Variants in SEZ6L observed in about 807,000 individuals in gnomAD.
SEZ6L encodes the protein seizure 6-like protein.
In SEZ6L, 37 loss-of-function variants were observed where a neutral mutation model predicts 106.2. The observed-to-expected ratio is 0.35, with a 90% confidence interval of 0.27 to 0.46. The LOEUF (loss-of-function observed/expected upper bound fraction) is 0.46, where lower values mean the gene tolerates loss of function less well. Ranked by LOEUF, SEZ6L falls within the 20% of genes least tolerant of loss-of-function variation. The probability of loss-of-function intolerance (pLI) is 1.00; values close to 1 mark genes in which losing one functional copy is unlikely to be tolerated. For missense variants in SEZ6L, 1,172 were observed against 1,332.8 expected (o/e 0.88, Z 1.88); for synonymous variants, 541 against 570.4 (o/e 0.95, Z 0.73).
At chr22:26,272,080 G>T (rs1186263909) in intron 1 of SEZ6L, among the ~76,000 whole-genome samples, 1 of 152,228 alleles carries the variant, frequency 6.6e-6, no homozygotes, top group Admixed American at 6.5e-5. Flanking sequence ...GGATACAAAA[G>T]AGAACACGTT....
At position 26,377,739 on chromosome 22, in the gene SEZ6L, G is replaced by A. The variant is rs2084276869; in HGVS notation, c.3009G>A (p.Val1003=). Reference sequence around the variant, plus strand: ...CCCACCCCTACAGCCAGATCACCGTGGAAACCGAGTTTGACAACCCCATTT... The same window carrying A: ...CCCACCCCTACAGCCAGATCACCGTAGAAACCGAGTTTGACAACCCCATTT... The part of the protein sequence containing the change: ...MYSHPYSQIT[V]ETEFDNPIYE... The change falls in exon 16 of 17, where the codon GTG becomes GTA. Residue 1003 remains valine (V), a synonymous_variant. Transcript: ENST00000248933. The A allele has an allele frequency of 6.2e-7, 1 of 1,613,938 alleles. No individual in the cohort carries two copies. Among genetic ancestry groups the A allele is most frequent in the Admixed American group, 1.7e-5 (1 of 59,998 alleles).
chr22:26,345,578 C>T (rs1272096356), intron 10 of SEZ6L, among the ~76,000 whole-genome samples: 1 of 152,172 alleles, frequency 6.6e-6, no homozygotes, highest in Non-Finnish European at 1.5e-5. Context: ...ATAGAGGCTC[C>T]TGTCCCCCCA....
chr22:26,279,297 C>T (rs1250356009), intron 1 of SEZ6L, among the ~76,000 whole-genome samples: 1 of 152,112 alleles, frequency 6.6e-6, no homozygotes, highest in East Asian at 1.9e-4. Context: ...GGGTGAACTG[C>T]CTGTGGGAGA....
intron 1 of SEZ6L, among the ~76,000 whole-genome samples, chr22:26,263,234 A>G (rs533348319): frequency 1.3e-5 from 2 of 152,254 alleles, no homozygotes; most frequent in African/African-American, 4.8e-5. Context: ...ATCCAACACC[A>G]CTGCCTACTG....
chr22:26,272,070 G>A (rs957390579), intron 1 of SEZ6L, among the ~76,000 whole-genome samples: 4 of 152,138 alleles, frequency 2.6e-5, no homozygotes, highest in East Asian at 1.9e-4. Flanking sequence ...GAAAGAAGCC[G>A]GATACAAAAG....
intron 1 of SEZ6L, among the ~76,000 whole-genome samples, chr22:26,209,874 A>G (rs946550578): frequency 1.3e-5 from 2 of 149,512 alleles, no homozygotes; most frequent in Non-Finnish European, 3.0e-5. Context: ...GGAGAGAGGA[A>G]GGAAGGAAAG....
At chr22:26,310,569 G>T in intron 6 of SEZ6L, 101 bp from the exon 7 acceptor site, 2 of 1,308,232 alleles carry the variant, frequency 1.5e-6, no homozygotes, top group Non-Finnish European at 1.1e-6. Flanking sequence ...TTGGGATCCG[G>T]TAATGAGGCT....
chr22:26,215,189 G>A (rs2078265862), intron 1 of SEZ6L, among the ~76,000 whole-genome samples: 1 of 152,204 alleles, frequency 6.6e-6, no homozygotes, highest in Admixed American at 6.5e-5. Context: ...TGTTAACTGA[G>A]ATCATTGTAG....
chr22:26,230,541 A>G (rs988950915), intron 1 of SEZ6L, among the ~76,000 whole-genome samples: 1 of 152,204 alleles, frequency 6.6e-6, no homozygotes, highest in African/African-American at 2.4e-5. Context: ...TTCTAATGGA[A>G]TGAATCAGAT....
At chr22:26,345,565 A>G (rs571274941) in intron 10 of SEZ6L, among the ~76,000 whole-genome samples, 21 of 152,268 alleles carry the variant, frequency 1.4e-4, no homozygotes, top group African/African-American at 5.1e-4. Flanking sequence ...CAGAGGCCTA[A>G]AAATAGAGGC....
intron 12 of SEZ6L, among the ~76,000 whole-genome samples, chr22:26,354,357 G>A (rs547178506): frequency 3.8e-4 from 58 of 152,262 alleles, no homozygotes; most frequent in African/African-American, 1.3e-3. Flanking sequence ...TTAGAGTGAT[G>A]CAGCTGCAAG....
At position 26,292,539 on chromosome 22, in the gene SEZ6L, G is replaced by A. The variant is rs1284669373; in HGVS notation, c.228G>A (p.Ser76=). Residue 76 remains serine (S), a synonymous_variant, in exon 2 of 17, where the codon TCG becomes TCA. Coordinates refer to ENST00000248933, the MANE Select transcript of SEZ6L (RefSeq NM_021115.5). ...VVTAPPSSSQ[S]AEVLGELVLD... ...CAGCGCCCCCCAGTTCCTCACAGTC[G>A]GCGGAAGTGCTGGGCGAGCTGGTGC... is the stretch of plus-strand genomic sequence containing the variant. 10 of 1,613,712 alleles carry A rather than the reference G, an allele frequency of 6.2e-6. No individual in the cohort carries two copies. Among genetic ancestry groups the A allele is most frequent in the African/African-American group, 1.3e-5 (1 of 74,908 alleles).
chr22:26,277,671 C>T (rs2080596719), intron 1 of SEZ6L, among the ~76,000 whole-genome samples: 1 of 152,166 alleles, frequency 6.6e-6, no homozygotes, highest in African/African-American at 2.4e-5. Flanking sequence ...AAGAGATTGA[C>T]TTTGTCATAC....
intron 1 of SEZ6L, among the ~76,000 whole-genome samples, chr22:26,224,835 C>T (rs1019637109): frequency 1.6e-4 from 25 of 152,114 alleles, no homozygotes; most frequent in African/African-American, 4.8e-4. Flanking sequence ...GCTATTGCCA[C>T]GATAATGCTG....
chr22:26,341,547 T>C (rs1490815026), intron 10 of SEZ6L, among the ~76,000 whole-genome samples: 1 of 152,170 alleles, frequency 6.6e-6, no homozygotes, highest in African/African-American at 2.4e-5. Context: ...CGTTGACCGG[T>C]TCATACTTAC....
At chr22:26,282,202 C>T (rs2080794441) in intron 1 of SEZ6L, among the ~76,000 whole-genome samples, 1 of 152,234 alleles carries the variant, frequency 6.6e-6, no homozygotes. Context: ...CCAGTGACTT[C>T]ATCTCATTCC....
chr22:26,274,519 T>A (rs1438433692), intron 1 of SEZ6L, among the ~76,000 whole-genome samples: 12 of 152,170 alleles, frequency 7.9e-5, no homozygotes, highest in Admixed American at 7.9e-4. Flanking sequence ...TCTGATTAAA[T>A]CCATGTGCTC....
intron 1 of SEZ6L, among the ~76,000 whole-genome samples, chr22:26,183,136 C>A (rs1232817382): frequency 1.3e-5 from 2 of 152,152 alleles, no homozygotes; most frequent in South Asian, 2.1e-4. Context: ...TTCAAAGGTG[C>A]CTTACAGCCA....
chr22:26,250,775 T>C (rs200751992), intron 1 of SEZ6L, among the ~76,000 whole-genome samples: 1 of 152,372 alleles, frequency 6.6e-6, no homozygotes, highest in East Asian at 1.9e-4. Context: ...CAATATTAAT[T>C]ATTTCAATTC....
Sources: allele counts gnomAD v4.1 joint callset (sites outside exome capture counted in the v4.1 genomes callset), GRCh38; gene constraint gnomAD v4.1.1; transcripts MANE v1.5; gene names NCBI Gene and HGNC (gene_info 2026-07-23, HGNC 2026-07-21).